LOXL3: variants seen among roughly 807,000 people sequenced by gnomAD.
LOXL3 encodes the protein lysyl oxidase like 3, also known as lysyl oxidase homolog 3.
Under a neutral mutation model 91.8 loss-of-function variants are expected in LOXL3, and 60 were observed. The ratio of observed to expected loss-of-function variants is 0.65; its 90% CI spans 0.53 to 0.81. The LOEUF (loss-of-function observed/expected upper bound fraction) is 0.81, where lower values mean the gene tolerates loss of function less well. Among genes scored for constraint, LOXL3 ranks in the 30% least tolerant of loss-of-function variants. The pLI is 0.00. For synonymous variants in LOXL3, 355 were observed against 387.6 expected, an observed-to-expected ratio of 0.92 and a Z score of 0.99; for missense variants, 874 against 1,000.4, an observed-to-expected ratio of 0.87 and a Z score of 1.70.
chr2:74,532,508 GC>G lies in LOXL3; in HGVS notation c.*1097del. On this transcript the variant is annotated 3_prime_UTR_variant, in exon 14 of 14. Transcript: ENST00000264094. ...TTGCCATTGTATTTTGTAGTACCTA[GC>G]CCATGTCCTGTCCATATATTTATCA... 1.2e-6 allele frequency: 1 copy of G among 811,916 alleles called. No homozygotes were observed. The highest frequency in any genetic ancestry group is 2.1e-6 in the Non-Finnish European group (1 of 476,746). The allele number at this position is 811,916 out of a possible 1,614,324, so 50.3% of individuals were successfully genotyped here. A position where few individuals can be genotyped will look rare whatever the true frequency, so the allele number is the denominator to read the frequency against.
At position 74,536,889 on chromosome 2, in the gene LOXL3, A is replaced by T. The variant is rs199982409; in HGVS notation, c.732T>A (p.His244Gln). 9 of 1,614,210 alleles carry T rather than the reference A, an allele frequency of 5.6e-6. No individual in the cohort carries two copies. Among genetic ancestry groups the T allele is most frequent in the Non-Finnish European group, 6.8e-6 (8 of 1,180,036 alleles). The change falls in exon 5 of 14, where the codon CAT (histidine) becomes CAA (glutamine). Residue 244 changes from histidine (H) to glutamine (Q), a missense_variant. His to Gln is a conservative substitution (Grantham distance 24). Transcript: ENST00000264094. The surrounding 1 kb of genome is among the most constrained non-coding windows in gnomAD (Gnocchi z 4.5). ...AQRQQHSFGL[H>Q]GVACVGTEAH... ...CCTCCGTGCCCACGCACGCCACCCC[A>T]TGCAGACCAAAGGAGTGTTGCTGCC...
rs754250715 is a variant in LOXL3, at chr2:74,536,735, GCTT to G, written c.883_885del (p.Lys295del). The G allele has an allele frequency of 1.7e-5, 27 of 1,614,186 alleles. No homozygotes were observed. Among genetic ancestry groups the G allele is most frequent in the Admixed American group, 5.0e-5 (3 of 60,030 alleles). On this transcript the variant is annotated inframe_deletion, in exon 5 of 14. Transcript: ENST00000264094. This position sits in a 1 kb window ranked among gnomAD's most constrained non-coding sequence, Gnocchi z 4.5. ...TCCCCCTGAGGCTTCGACTGTTGTT[GCTT>G]CTTCTGGCCACTGGATGCCGCGTAG...
chr2:74,549,554 C>T lies in LOXL3; in HGVS notation c.507G>A (p.Val169=). The change falls in exon 4 of 14, where the codon GTG becomes GTA. Residue 169 remains valine (V), a synonymous_variant. Coordinates refer to ENST00000264094, the MANE Select transcript of LOXL3 (RefSeq NM_032603.5). The surrounding 1 kb of genome is among the most constrained non-coding windows in gnomAD (Gnocchi z 5.3). ...CCCACCCAACGGCGGGTCGAATTCG[C>T]ACCTCCTCCACTTGCAGGTGATGCT... ...EVEHHLQVEE[V]RIRPAVGWGR... is the part of the protein sequence containing the mutation. 6 of 1,611,060 alleles carry T rather than the reference C, an allele frequency of 3.7e-6. No individual in the cohort carries two copies. The highest frequency in any genetic ancestry group is 1.3e-5 in the African/African-American group (1 of 75,034).
chr2:74,549,630 C>T lies in LOXL3; in HGVS notation c.478-47G>A, dbSNP rs1573025876. 1.3e-6 allele frequency: 2 copies of T among 1,561,778 alleles called. No homozygotes were observed. The highest frequency in any genetic ancestry group is 2.7e-5 in the African/African-American group (2 of 74,098). On this transcript the variant is annotated intron_variant, in intron 3 of 13. Coordinates refer to ENST00000264094, the MANE Select transcript of LOXL3 (RefSeq NM_032603.5). This position sits in a 1 kb window ranked among gnomAD's most constrained non-coding sequence, Gnocchi z 5.3. ...GGGAAAGAATCCCAGTGGCACCTTT[C>T]ATGTGTCCCGCCGCCCTTAAGGAAC...
intron 4 of LOXL3, among the ~76,000 whole-genome samples, chr2:74,538,438 G>A (rs1676143141): frequency 6.6e-6 from 1 of 152,184 alleles, no homozygotes; most frequent in Non-Finnish European, 1.5e-5. Context: ...GGGAGAAAGG[G>A]ATGAATTATC....
chr2:74,538,621 G>A (rs1676153473), intron 4 of LOXL3, among the ~76,000 whole-genome samples: 1 of 152,184 alleles, frequency 6.6e-6, no homozygotes, highest in Admixed American at 6.5e-5. Context: ...GAGCCAGAGA[G>A]GCAGGGGCTG....
chr2:74,550,214 G>T lies in LOXL3; in HGVS notation c.448C>A (p.Pro150Thr), dbSNP rs1211028948. 1.2e-6 allele frequency: 2 copies of T among 1,614,060 alleles called. No individual in the cohort carries two copies. Among genetic ancestry groups the T allele is most frequent in the Non-Finnish European group, 1.7e-6 (2 of 1,179,982 alleles). ...ATGACATTGGAGTCCGAGAAGCCAG[G>T]GAGGCGCTGGTCTTTGCAGATGACC... ...AGVICKDQRL[P>T]GFSDSNVIEV... The change falls in exon 3 of 14, where the codon CCT becomes ACT. Residue 150 changes from proline to threonine, a missense_variant. Pro to Thr is a conservative substitution (Grantham distance 38). Transcript: ENST00000264094.
chr2:74,536,133 G>C lies in LOXL3; in HGVS notation c.1111C>G (p.Leu371Val). 6.2e-7 allele frequency: 1 copy of C among 1,613,896 alleles called. No individual in the cohort carries two copies. The highest frequency in any genetic ancestry group is 8.5e-7 in the Non-Finnish European group (1 of 1,180,018). Residue 371 changes from leucine to valine, a missense_variant, in exon 7 of 14, where the codon CTG becomes GTG. Transcript: ENST00000264094. This position sits in a 1 kb window ranked among gnomAD's most constrained non-coding sequence, Gnocchi z 4.5. ...TGTCCAGAGCAGCGAACTTCACTCA[G>C]GTGGATAGCACCCATGCCTAGGGCC... The part of the protein sequence containing the change: ...RMGQGMGAIH[L>V]SEVRCSGQEL...
Position 74,549,187 on chromosome 2 carries a change from C to T in LOXL3, c.692+182G>A. 3.2e-6 allele frequency: 2 copies of T among 628,862 alleles called. No individual in the cohort carries two copies. Among genetic ancestry groups the T allele is most frequent in the South Asian group, 2.6e-5 (1 of 38,748 alleles). The allele number at this position is 628,862 out of a possible 1,614,324, so 39.0% of individuals were successfully genotyped here. ...CCCCATTTCAGGTACTCCCTTGGGG[C>T]ACCTTTCGTGGTCCCACAAGATTTC... On this transcript the variant is annotated intron_variant, in intron 4 of 13. Coordinates refer to ENST00000264094, the MANE Select transcript of LOXL3 (RefSeq NM_032603.5). The surrounding 1 kb of genome is among the most constrained non-coding windows in gnomAD (Gnocchi z 5.3).
chr2:74,542,626 CT>C (rs1188624876), intron 4 of LOXL3, among the ~76,000 whole-genome samples: 230 of 140,928 alleles, frequency 1.6e-3, no homozygotes, highest in South Asian at 2.5e-3. Context: ...TCTCTTCCTA[CT>C]TTTTTTTTTT....
Position 74,535,299 on chromosome 2 carries a change from A to G in LOXL3, c.1572T>C (p.Cys524=). The change falls in exon 9 of 14, where the codon TGT becomes TGC. Residue 524 remains cysteine (C), a synonymous_variant. Coordinates refer to ENST00000264094, the MANE Select transcript of LOXL3 (RefSeq NM_032603.5). This position sits in a 1 kb window ranked among gnomAD's most constrained non-coding sequence, Gnocchi z 4.2. ...ACCCCCTCCTTCACTCACTCTCAGA[A>G]CAGATGACTCCAGCAGTGAAGCGGG... ...TGTRFTAGVI[C]SETASDLLLH... 1 of 1,613,512 alleles carries G rather than the reference A, an allele frequency of 6.2e-7. No homozygotes were observed. The highest frequency in any genetic ancestry group is 8.5e-7 in the Non-Finnish European group (1 of 1,179,798).
chr2:74,555,619 T>G (rs1340159956), upstream of LOXL3: 4 of 1,614,054 alleles, frequency 2.5e-6, no homozygotes, highest in Admixed American at 5.0e-5. This position sits in a 1 kb window ranked among gnomAD's most constrained non-coding sequence, Gnocchi z 6.1. Context: ...CACCTAAGCT[T>G]TCTGCCCTGG....
In LOXL3 at chr2:74,535,349, G is replaced by C; in HGVS notation, c.1522C>G (p.His508Asp). Residue 508 changes from histidine (H) to aspartate (D), a missense_variant, in exon 9 of 14, where the codon CAC (histidine) becomes GAC (aspartate). His to Asp is a moderately conservative substitution (Grantham distance 81). Coordinates refer to ENST00000264094, the MANE Select transcript of LOXL3 (RefSeq NM_032603.5). The surrounding 1 kb of genome is among the most constrained non-coding windows in gnomAD (Gnocchi z 4.2). ...GTCCCTGTCCTCTTGCAGGTGATGTGGGTGCCATGATGGGCACACTGATCC... is the reference window on the plus strand; with the variant it reads ...GTCCCTGTCCTCTTGCAGGTGATGTCGGTGCCATGATGGGCACACTGATCC... ...SLDQCAHHGT[H>D]ITCKRTGTRF... 6.2e-7 allele frequency: 1 copy of C among 1,614,050 alleles called. No homozygotes were observed. The highest frequency in any genetic ancestry group is 8.5e-7 in the Non-Finnish European group (1 of 1,180,016).
chr2:74,548,679 G>A (rs1032401125), intron 4 of LOXL3, among the ~76,000 whole-genome samples: 11 of 152,166 alleles, frequency 7.2e-5, no homozygotes, highest in Non-Finnish European at 1.2e-4. Flanking sequence ...CAAAGTAGAT[G>A]TTCCAGGGAA....
At chr2:74,552,256 G>A (rs1677061401) in intron 2 of LOXL3, 66 bp downstream of exon 2, 3 of 1,466,992 alleles carry the variant, frequency 2.0e-6, no homozygotes, top group Non-Finnish European at 2.8e-6. Context: ...CCATCCTCGT[G>A]TTCCCTTTCC....
At position 74,533,645 on chromosome 2, in the gene LOXL3, A is replaced by T. The variant is rs766127175; in HGVS notation, c.2223T>A (p.Phe741Leu). The change falls in exon 14 of 14, where the codon TTT becomes TTA. Residue 741 changes from phenylalanine to leucine, a missense_variant. By Grantham distance (22) the Phe-to-Leu change is conservative. Coordinates refer to ENST00000264094, the MANE Select transcript of LOXL3 (RefSeq NM_032603.5). ...DAFSEEANRR[F>L]ERYPGQTSNQ... ...TGCTGGTCTGGCCAGGGTAGCGTTC[A>T]AACCTCCTGTTGGCCTCTTCACTGA... 123 of 1,613,934 alleles carry T rather than the reference A, an allele frequency of 7.6e-5. No homozygotes were observed. The highest frequency in any genetic ancestry group is 1.0e-4 in the Non-Finnish European group (122 of 1,180,004).
intron 4 of LOXL3, among the ~76,000 whole-genome samples, chr2:74,544,280 C>A (rs1459622902): frequency 1.3e-5 from 2 of 148,792 alleles, no homozygotes; most frequent in Non-Finnish European, 2.9e-5. Context: ...CCAGCCTGGG[C>A]AACAAGCCAG....
chr2:74,537,465 T>G (rs1676095138), intron 4 of LOXL3, among the ~76,000 whole-genome samples: 1 of 151,942 alleles, frequency 6.6e-6, no homozygotes, highest in African/African-American at 2.4e-5. Context: ...GCAGGACAGA[T>G]TAGGAGGGGC....
upstream of LOXL3, chr2:74,554,631 AC>A (rs932056110): frequency 2.3e-5 from 20 of 867,614 alleles, no homozygotes; most frequent in East Asian, 5.3e-5. This position sits in a 1 kb window ranked among gnomAD's most constrained non-coding sequence, Gnocchi z 4.9. Flanking sequence ...CCCCACCGCG[AC>A]CCCCCCAGCG....
Sources: allele counts gnomAD v4.1 joint callset (sites outside exome capture counted in the v4.1 genomes callset), GRCh38; gene constraint gnomAD v4.1.1; non-coding constraint Gnocchi (gnomAD v3.1); transcripts MANE v1.5; gene names NCBI Gene and HGNC (gene_info 2026-07-23, HGNC 2026-07-21).